Variants in TSPAN10 observed in about 807,000 individuals in gnomAD.
The protein encoded by TSPAN10 is tetraspanin-10.
In TSPAN10, 11 loss-of-function variants were observed where a neutral mutation model predicts 15.0. The observed-to-expected ratio is 0.73, with a 90% CI of 0.46 to 1.21. TSPAN10 has a LOEUF of 1.21. TSPAN10 is among the 50% of genes most tolerant of loss of function. TSPAN10 has a pLI of 0.00. For synonymous variants in TSPAN10, 241 were observed against 226.2 expected (o/e 1.07, Z -0.59); for missense variants, 486 against 470.6 (o/e 1.03, Z -0.30).
At chr17:81,640,036 G>A (rs369964739), upstream of TSPAN10, among the ~76,000 whole-genome samples, 10 of 151,888 alleles carry the variant, frequency 6.6e-5, no homozygotes, top group East Asian at 1.4e-3. Flanking sequence ...AGGCTGGAGT[G>A]CAGTGGCACA....
At chr17:81,648,449 C>G (rs1568181840), downstream of TSPAN10, 1 of 726,248 alleles carries the variant, frequency 1.4e-6, no homozygotes, top group South Asian at 7.1e-5. Context: ...TCACTTCGCT[C>G]GCTCCGCGTC....
chr17:81,647,549 A>C (rs1327520996), intron 2 of TSPAN10: 3 of 549,226 alleles, frequency 5.5e-6, no homozygotes, highest in Non-Finnish European at 1.0e-5. Flanking sequence ...CCCTGCTCCA[A>C]CTCTACCTTC....
Position 81,645,479 on chromosome 17 carries a change from G to A in TSPAN10, c.524G>A (p.Trp175Ter), listed in dbSNP as rs756265132. The change falls in exon 2 of 3, where the codon TGG becomes TAG. Residue 175 changes from tryptophan to a stop codon, truncating the protein, a stop_gained. Transcript: ENST00000611590. LOFTEE classifies it high-confidence loss of function. Reference sequence around the variant, plus strand: ...GCGGGGGCCCTGGTGGTGGCCCTCTGGGGCCCGCTGCAAGACAGCCTGGAG... The same window carrying A: ...GCGGGGGCCCTGGTGGTGGCCCTCTAGGGCCCGCTGCAAGACAGCCTGGAG... The A allele has an allele frequency of 2.5e-6, 4 of 1,581,398 alleles. No homozygotes were observed. The highest frequency in any genetic ancestry group is 3.4e-6 in the Non-Finnish European group (4 of 1,166,460).
upstream of TSPAN10, among the ~76,000 whole-genome samples, chr17:81,640,318 G>A (rs961093877): frequency 1.3e-5 from 2 of 151,716 alleles, no homozygotes; most frequent in East Asian, 1.9e-4. Context: ...TCCTTAGCTC[G>A]AAGATGGCAC....
chr17:81,642,996 TA>T (rs1222709725), intron 1 of TSPAN10, among the ~76,000 whole-genome samples: 2 of 14,634 alleles, frequency 1.4e-4, no homozygotes, highest in South Asian at 8.1e-3. Flanking sequence ...TACAAAATAT[TA>T]TATATATATA....
chr17:81,648,559 C>G (rs1008527165), downstream of TSPAN10: 1 of 284,968 alleles, frequency 3.5e-6, no homozygotes, highest in South Asian at 1.6e-4. Context: ...CCCTCACCTC[C>G]GAGCCCCCAC....
chr17:81,637,315 C>T (rs757468889), exon 1 of TSPAN10: 5 of 656,924 alleles, frequency 7.6e-6, no homozygotes, highest in African/African-American at 1.8e-5. Context: ...CAAAGACGAG[C>T]ATCCGAAGTC....
At chr17:81,639,662 C>T (rs1327115119), upstream of TSPAN10, among the ~76,000 whole-genome samples, 5 of 150,184 alleles carry the variant, frequency 3.3e-5, no homozygotes, top group Non-Finnish European at 7.4e-5. Context: ...CGGTGGCTCA[C>T]GCCTGTCATC....
exon 1 of TSPAN10, chr17:81,637,334 A>G: frequency 1.5e-6 from 1 of 665,802 alleles, no homozygotes; most frequent in Non-Finnish European, 2.7e-6. Flanking sequence ...TCTCACCCAA[A>G]AATAACTACT....
At chr17:81,640,281 C>A (rs1434087424), upstream of TSPAN10, among the ~76,000 whole-genome samples, 5 of 152,116 alleles carry the variant, frequency 3.3e-5, no homozygotes, top group Non-Finnish European at 7.4e-5. Context: ...GCCGCTGTAC[C>A]CAGCCAGGTT....
exon 3 of TSPAN10, chr17:81,648,083 G>C (rs1241892406): frequency 1.3e-6 from 2 of 1,589,176 alleles, no homozygotes; most frequent in Admixed American, 3.5e-5. Flanking sequence ...CTCCGGCGGT[G>C]GCTGCGCGCG....
chr17:81,648,693 A>C (rs376063915), downstream of TSPAN10: 1 of 172,290 alleles, frequency 5.8e-6, no homozygotes, highest in African/African-American at 2.4e-5. Flanking sequence ...ATTTTTGGGG[A>C]GATAGTAAAT....
At chr17:81,642,377 C>T (rs371270497), upstream of TSPAN10, 21 of 1,613,168 alleles carry the variant, frequency 1.3e-5, no homozygotes, top group African/African-American at 2.7e-5. Context: ...CCTCTCCCGG[C>T]GCCTGTGCTG....
At chr17:81,641,191 A>G (rs2036174699), upstream of TSPAN10, among the ~76,000 whole-genome samples, 1 of 151,920 alleles carries the variant, frequency 6.6e-6, no homozygotes, top group African/African-American at 2.4e-5. Context: ...ACCCATCCTT[A>G]GAACAGACTG....
At chr17:81,640,507 G>A (rs1005693509), upstream of TSPAN10, among the ~76,000 whole-genome samples, 4 of 152,140 alleles carry the variant, frequency 2.6e-5, no homozygotes, top group South Asian at 2.1e-4. Context: ...GGAGTGCAGC[G>A]GCACCATCTC....
upstream of TSPAN10, among the ~76,000 whole-genome samples, chr17:81,641,119 C>T (rs1236399279): frequency 4.0e-5 from 6 of 151,676 alleles, no homozygotes; most frequent in Admixed American, 6.6e-5. Context: ...GAGTCAAAAT[C>T]GTGCCACTGC....
At chr17:81,648,112 G>C (rs772260510) in exon 3 of TSPAN10, 158 of 1,566,132 alleles carry the variant, frequency 1.0e-4, no homozygotes, top group Non-Finnish European at 1.2e-4. Flanking sequence ...TGCCTCGGGC[G>C]GCTACGCAAT....
upstream of TSPAN10, among the ~76,000 whole-genome samples, chr17:81,640,141 C>T (rs2036165806): frequency 1.3e-5 from 2 of 152,102 alleles, no homozygotes; most frequent in Admixed American, 6.6e-5. Context: ...CACAATCACA[C>T]CTGGCTAACT....
At chr17:81,646,844 G>GTTTGTTT (rs1568180818) in intron 2 of TSPAN10, among the ~76,000 whole-genome samples, 46 of 60,990 alleles carry the variant, frequency 7.5e-4, no homozygotes, top group African/African-American at 2.9e-3. Flanking sequence ...TCTTTTTGTT[G>GTTTGTTT]GTTTGTTTGT....
Sources: gnomAD v4.1 joint callset for allele counts (sites outside exome capture counted in the v4.1 genomes callset) on GRCh38, gnomAD v4.1.1 for gene constraint, MANE v1.5 for transcripts, NCBI Gene and HGNC (gene_info 2026-07-23, HGNC 2026-07-21) for gene names.